Variants in PTPRN2 observed in about 807,000 individuals in gnomAD.
The protein encoded by PTPRN2 is receptor-type tyrosine-protein phosphatase N2.
A neutral mutation model predicts 118.8 loss-of-function variants in PTPRN2; 74 were observed. The observed-to-expected ratio is 0.62, with a 90% CI of 0.52 to 0.76. PTPRN2 has a LOEUF of 0.76. Among genes scored for constraint, PTPRN2 ranks in the 30% least tolerant of loss-of-function variants. PTPRN2 has a pLI of 0.00. For synonymous variants in PTPRN2, 641 were observed against 608.0 expected (o/e 1.05, Z -0.80); for missense variants, 1,481 against 1,394.4 (o/e 1.06, Z -0.99).
intron 3 of PTPRN2, among the ~76,000 whole-genome samples, chr7:158,263,375 CTG>C (rs1797663491): frequency 6.6e-6 from 1 of 152,034 alleles, no homozygotes; most frequent in African/African-American, 2.4e-5. Flanking sequence ...CACATGCACA[CTG>C]TACACACACG....
chr7:157,713,404 G>T (rs987707325), intron 12 of PTPRN2, among the ~76,000 whole-genome samples: 1 of 152,108 alleles, frequency 6.6e-6, no homozygotes, highest in Admixed American at 6.5e-5. Context: ...TTAATAGCCT[G>T]TAAGAATAGT....
chr7:157,653,169 C>T (rs917556377), intron 14 of PTPRN2, among the ~76,000 whole-genome samples: 15 of 152,240 alleles, frequency 9.9e-5, no homozygotes, highest in African/African-American at 3.4e-4. Context: ...CTAGCTTGGC[C>T]TCCAGACATC....
chr7:158,185,129 G>C (rs749633188), intron 5 of PTPRN2, among the ~76,000 whole-genome samples: 1 of 152,052 alleles, frequency 6.6e-6, no homozygotes, highest in Non-Finnish European at 1.5e-5. Context: ...ATATATTGTT[G>C]AATTTAATTT....
chr7:158,437,103 C>T (rs1816622844), intron 2 of PTPRN2, among the ~76,000 whole-genome samples: 1 of 152,166 alleles, frequency 6.6e-6, no homozygotes, highest in Non-Finnish European at 1.5e-5. Flanking sequence ...ACCTTTCCAA[C>T]AGATCTCCTC....
intron 2 of PTPRN2, among the ~76,000 whole-genome samples, chr7:158,372,553 T>TC (rs1472639265): frequency 7.8e-6 from 1 of 127,634 alleles, no homozygotes; most frequent in Non-Finnish European, 1.7e-5. Flanking sequence ...AGAGCTGGTC[T>TC]CCCCTGTGCT....
chr7:157,541,836 A>G (rs1798027681), intron 22 of PTPRN2, among the ~76,000 whole-genome samples: 1 of 152,250 alleles, frequency 6.6e-6, no homozygotes, highest in South Asian at 2.1e-4. Flanking sequence ...GACATCAGAA[A>G]GTCAAAATAA....
intron 11 of PTPRN2, among the ~76,000 whole-genome samples, chr7:158,064,522 T>A (rs1810613289): frequency 6.6e-6 from 1 of 152,174 alleles, no homozygotes. Flanking sequence ...CGCCGGACAC[T>A]GCCCCATGGT....
Position 157,794,857 on chromosome 7 carries a change from T to C in PTPRN2, c.1788+103816A>G, listed in dbSNP as rs1036570700. On this transcript the variant is annotated intron_variant, in intron 12 of 22. Transcript: ENST00000389418. This position sits in a 1 kb window ranked among gnomAD's most constrained non-coding sequence, Gnocchi z 5.2. ...AAAATTTAAATCACAAAATACTTCA[T>C]ATCTGCCTGCACTCATTGTCATGCT... 1.3e-5 allele frequency among the ~76,000 whole-genome samples: 2 copies of C among 152,252 alleles called. No homozygotes were observed. The highest frequency in any genetic ancestry group is 2.9e-5 in the Non-Finnish European group (2 of 68,044).
At chr7:158,134,144 T>C (rs1339969768) in intron 8 of PTPRN2, 85 bp from the exon 9 acceptor site, 1 of 1,461,900 alleles carries the variant, frequency 6.8e-7, no homozygotes, top group Non-Finnish European at 9.3e-7. Context: ...CGGGACAGAG[T>C]CACTGTGGGG....
chr7:157,614,828 G>C (rs1802652175), intron 15 of PTPRN2, among the ~76,000 whole-genome samples: 2 of 152,210 alleles, frequency 1.3e-5, no homozygotes, highest in African/African-American at 4.8e-5. Flanking sequence ...CCTCGGACAC[G>C]GCCAGCCCTG....
intron 12 of PTPRN2, among the ~76,000 whole-genome samples, chr7:157,849,553 A>G (rs1197848888): frequency 6.6e-5 from 10 of 152,226 alleles, no homozygotes; most frequent in African/African-American, 2.4e-4. Flanking sequence ...TGTGCTGTTT[A>G]GGACTAAATT....
chr7:158,125,313 G>T (rs1291215856), intron 9 of PTPRN2, among the ~76,000 whole-genome samples: 5 of 148,078 alleles, frequency 3.4e-5, no homozygotes, highest in Admixed American at 6.7e-5. Flanking sequence ...GTCCCTCCCA[G>T]GGCCACCTCC....
chr7:158,545,384 G>A (rs1361392956), intron 1 of PTPRN2, among the ~76,000 whole-genome samples: 2 of 152,234 alleles, frequency 1.3e-5, no homozygotes, highest in Non-Finnish European at 2.9e-5. Flanking sequence ...CTCAGCAGCT[G>A]CAAATACCTG....
chr7:157,809,122 A>G (rs1448146291), intron 12 of PTPRN2, among the ~76,000 whole-genome samples: 1 of 152,270 alleles, frequency 6.6e-6, no homozygotes, highest in Non-Finnish European at 1.5e-5. Context: ...TTTTGTGGGT[A>G]CTGTTGCTTA....
At chr7:157,558,678 C>T (rs943275544) in intron 21 of PTPRN2, among the ~76,000 whole-genome samples, 1 of 152,252 alleles carries the variant, frequency 6.6e-6, no homozygotes, top group African/African-American at 2.4e-5. Flanking sequence ...CAGCTCCCCT[C>T]CCAGGCCGCA....
intron 12 of PTPRN2, among the ~76,000 whole-genome samples, chr7:157,815,943 C>G (rs528001182): frequency 1.3e-5 from 2 of 152,318 alleles, no homozygotes; most frequent in African/African-American, 4.8e-5. Flanking sequence ...GCAGACTCCC[C>G]AGCACACGCC....
intron 12 of PTPRN2, among the ~76,000 whole-genome samples, chr7:157,816,497 T>C (rs1806409851): frequency 6.6e-6 from 1 of 152,252 alleles, no homozygotes. Context: ...CTCAGGACGC[T>C]GCACTGGATA....
intron 1 of PTPRN2, among the ~76,000 whole-genome samples, chr7:158,535,608 A>AG (rs1390118240): frequency 2.0e-5 from 3 of 152,232 alleles, no homozygotes; most frequent in Admixed American, 6.5e-5. Context: ...TGTAGCATTC[A>AG]GGTGGCTATT....
intron 5 of PTPRN2, 112 bp downstream of exon 5, chr7:158,192,215 C>A: frequency 8.1e-7 from 1 of 1,242,022 alleles, no homozygotes; most frequent in South Asian, 2.1e-5. Flanking sequence ...GCCCGCTGGC[C>A]CGGGAAACAG....
Sources: allele counts gnomAD v4.1 joint callset (sites outside exome capture counted in the v4.1 genomes callset), GRCh38; gene constraint gnomAD v4.1.1; non-coding constraint Gnocchi (gnomAD v3.1); transcripts MANE v1.5; gene names NCBI Gene and HGNC (gene_info 2026-07-23, HGNC 2026-07-21).